AGBL1: variants seen among roughly 807,000 people sequenced by gnomAD.
AGBL1 encodes cytosolic carboxypeptidase 4.
A neutral mutation model predicts 118.9 loss-of-function variants in AGBL1; 130 were observed. The ratio of observed to expected loss-of-function variants is 1.09; its 90% confidence interval spans 0.95 to 1.26. The LOEUF (loss-of-function observed/expected upper bound fraction) is 1.26, where lower values mean the gene tolerates loss of function less well. Ranked by LOEUF, AGBL1 falls within the 50% of genes most tolerant of loss-of-function variation. The pLI is 0.00. For synonymous variants in AGBL1, 555 were observed against 478.9 expected (o/e 1.16, Z -2.08); for missense variants, 1,584 against 1,298.1 (o/e 1.22, Z -3.38).
chr15:86,565,073 T>C (rs1202691002), intron 21 of AGBL1, among the ~76,000 whole-genome samples: 1 of 152,242 alleles, frequency 6.6e-6, no homozygotes, highest in Non-Finnish European at 1.5e-5. Flanking sequence ...GCGATGGGTT[T>C]GAATTTCCTC....
At chr15:86,468,609 A>T (rs1344805333) in intron 18 of AGBL1, among the ~76,000 whole-genome samples, 1 of 152,110 alleles carries the variant, frequency 6.6e-6, no homozygotes, top group African/African-American at 2.4e-5. Context: ...CCCTTGGTGG[A>T]GCTTCCATTT....
intron 20 of AGBL1, among the ~76,000 whole-genome samples, chr15:86,551,187 A>T (rs2083658443): frequency 6.6e-6 from 1 of 152,108 alleles, no homozygotes; most frequent in Non-Finnish European, 1.5e-5. Context: ...ATAAGTGCAA[A>T]TAAATCCCAA....
At chr15:86,758,413 G>T (rs947769345) in intron 22 of AGBL1, among the ~76,000 whole-genome samples, 3 of 152,008 alleles carry the variant, frequency 2.0e-5, no homozygotes, top group Admixed American at 6.6e-5. Flanking sequence ...GTGTTCCGTA[G>T]TACCATGTAT....
chr15:86,558,528 C>A (rs1369266832), intron 21 of AGBL1, among the ~76,000 whole-genome samples: 1 of 152,198 alleles, frequency 6.6e-6, no homozygotes, highest in Non-Finnish European at 1.5e-5. Flanking sequence ...ATTGTTACAG[C>A]AAGCACTCCC....
At chr15:86,655,737 G>A (rs1453744618) in intron 21 of AGBL1, among the ~76,000 whole-genome samples, 1 of 152,182 alleles carries the variant, frequency 6.6e-6, no homozygotes, top group Non-Finnish European at 1.5e-5. Context: ...TTGCTAACTT[G>A]CAGTGGTCAG....
chr15:86,560,352 A>T (rs952195355), intron 21 of AGBL1, among the ~76,000 whole-genome samples: 82 of 130,236 alleles, frequency 6.3e-4, no homozygotes, highest in African/African-American at 2.3e-3. Flanking sequence ...AAGTGTTCTC[A>T]TTGTTCAATT....
At chr15:86,573,285 G>A (rs2084036245) in intron 21 of AGBL1, among the ~76,000 whole-genome samples, 1 of 152,120 alleles carries the variant, frequency 6.6e-6, no homozygotes, top group Admixed American at 6.6e-5. Context: ...AATATGTTAA[G>A]TGCCAAGAAT....
chr15:86,682,388 G>A (rs921881683), intron 22 of AGBL1, among the ~76,000 whole-genome samples: 3 of 152,038 alleles, frequency 2.0e-5, no homozygotes, highest in Non-Finnish European at 4.4e-5. Context: ...AAATATTTTT[G>A]GTATGATTTT....
intron 18 of AGBL1, among the ~76,000 whole-genome samples, chr15:86,484,033 G>A (rs1450154103): frequency 2.2e-4 from 34 of 152,108 alleles, no homozygotes; most frequent in Admixed American, 2.2e-3. Flanking sequence ...CTGCTTTAGT[G>A]CTGAAATAGG....
At chr15:86,688,422 A>G (rs1326330651) in intron 22 of AGBL1, among the ~76,000 whole-genome samples, 1 of 152,150 alleles carries the variant, frequency 6.6e-6, no homozygotes, top group Admixed American at 6.6e-5. Flanking sequence ...TTCTGAAATC[A>G]TATGCAAATT....
rs575079751 is a variant in AGBL1, at chr15:86,495,398, T to TA, written c.2556-27412_2556-27411insA. On this transcript the variant is annotated intron_variant, in intron 18 of 22. Transcript: ENST00000614907. ...TTTTTTAAATACCTCTATCTTTTTT[T>TA]TAAAAAAAAAACCTTATAAAAGAAA... Among the ~76,000 whole-genome samples, 335 of 121,216 alleles carry TA rather than the reference T, an allele frequency of 2.8e-3. 4 individuals are homozygous for TA. Among genetic ancestry groups the TA allele is most frequent in the South Asian group, 0.021 (77 of 3,598 alleles). The allele number at this position is 121,216 out of a possible 152,430, so 79.5% of individuals were successfully genotyped here. A position where few individuals can be genotyped will look rare whatever the true frequency, so the allele number is the denominator to read the frequency against.
chr15:86,658,263 G>C (rs1325801826), intron 21 of AGBL1, among the ~76,000 whole-genome samples: 1 of 152,096 alleles, frequency 6.6e-6, no homozygotes, highest in Non-Finnish European at 1.5e-5. Flanking sequence ...TTATTAAAAT[G>C]ACTCCTCTGG....
At chr15:86,637,082 A>G (rs1053731555) in intron 21 of AGBL1, among the ~76,000 whole-genome samples, 1 of 152,064 alleles carries the variant, frequency 6.6e-6, no homozygotes, top group Non-Finnish European at 1.5e-5. Flanking sequence ...GCACCATCCA[A>G]TCATTTATTC....
chr15:86,579,826 T>A (rs2142329263), intron 21 of AGBL1, among the ~76,000 whole-genome samples: 1 of 152,170 alleles, frequency 6.6e-6, no homozygotes, highest in East Asian at 1.9e-4. Flanking sequence ...GGAGGTGCAA[T>A]TGACCGGACT....
intron 18 of AGBL1, among the ~76,000 whole-genome samples, chr15:86,398,934 T>G (rs917852326): frequency 6.6e-6 from 1 of 152,134 alleles, no homozygotes; most frequent in Non-Finnish European, 1.5e-5. Context: ...AAGACACCCA[T>G]GTACCCATGT....
chr15:86,211,449 G>C (rs922437046), intron 5 of AGBL1, among the ~76,000 whole-genome samples: 1 of 152,196 alleles, frequency 6.6e-6, no homozygotes, highest in South Asian at 2.1e-4. Flanking sequence ...CCAGAGCTGG[G>C]GTCTACAGAG....
chr15:86,162,446 A>G (rs1248447436), intron 5 of AGBL1, among the ~76,000 whole-genome samples: 2 of 152,198 alleles, frequency 1.3e-5, no homozygotes, highest in Admixed American at 6.5e-5. Context: ...GGCAAGATTT[A>G]CAACAGAAGC....
chr15:86,256,503 C>T (rs1385416549), intron 7 of AGBL1, among the ~76,000 whole-genome samples: 3 of 152,194 alleles, frequency 2.0e-5, no homozygotes, highest in Non-Finnish European at 4.4e-5. Flanking sequence ...TGAGAAAAGA[C>T]ACCGGCCTCC....
chr15:86,981,634 T>A (rs928121076), intron 23 of AGBL1, among the ~76,000 whole-genome samples: 11 of 152,196 alleles, frequency 7.2e-5, no homozygotes, highest in Non-Finnish European at 1.6e-4. Context: ...TGCAGAATAC[T>A]TTTGAAACTT....
Sources: gnomAD v4.1 joint callset for allele counts (sites outside exome capture counted in the v4.1 genomes callset) on GRCh38, gnomAD v4.1.1 for gene constraint, MANE v1.5 for transcripts, NCBI Gene and HGNC (gene_info 2026-07-23, HGNC 2026-07-21) for gene names.